The following RHBDF1 variants were observed in gnomAD, a reference collection of about 807,000 sequenced individuals.
The protein encoded by RHBDF1 is inactive rhomboid protein 1.
Under a neutral mutation model 98.6 loss-of-function variants are expected in RHBDF1, and 80 were observed. The observed-to-expected ratio is 0.81, with a 90% confidence interval of 0.68 to 0.98. The LOEUF is 0.98. Ranked by LOEUF, RHBDF1 falls within the 50% of genes least tolerant of loss-of-function variation. The pLI is 0.00. For synonymous variants in RHBDF1, 512 were observed against 486.8 expected (o/e 1.05, Z -0.68); for missense variants, 1,116 against 1,198.3 (o/e 0.93, Z 1.01).
At chr16:75,955 T>C (rs772329355), upstream of RHBDF1, among the ~76,000 whole-genome samples, 1 of 152,146 alleles carries the variant, frequency 6.6e-6, no homozygotes, top group African/African-American at 2.4e-5. Context: ...CCCTGGCCCC[T>C]GTAGCCAATA....
In RHBDF1 at chr16:58,153, T is replaced by TA; in HGVS notation, c.*186dup. On this transcript the variant is annotated 3_prime_UTR_variant, in exon 18 of 18. Coordinates refer to ENST00000262316, the MANE Select transcript of RHBDF1 (RefSeq NM_022450.5). ...GTTAGAAGGTTATGACAGGAAGTAG[T>TA]ATAATAAATGCCCGGCAGTACGAGG... 3.4e-6 allele frequency: 2 copies of TA among 587,488 alleles called. No individual in the cohort carries two copies. The highest frequency in any genetic ancestry group is 6.0e-6 in the Non-Finnish European group (2 of 336,088). The allele number at this position is 587,488 out of a possible 1,614,324, so 36.4% of individuals were successfully genotyped here.
Position 59,400 on chromosome 16 carries a change from G to T in RHBDF1, c.1893+19C>A. ...ACAGTAGCTGGGGGAGGGGAACGAC[G>T]GACACTCTGCAGACCTACCTGAGAG... On this transcript the variant is annotated intron_variant, in intron 15 of 17. Coordinates refer to ENST00000262316, the MANE Select transcript of RHBDF1 (RefSeq NM_022450.5). The T allele has an allele frequency of 6.2e-7, 1 of 1,613,042 alleles. No individual in the cohort carries two copies. Among genetic ancestry groups the T allele is most frequent in the African/African-American group, 1.3e-5 (1 of 75,022 alleles).
upstream of RHBDF1, chr16:74,050 G>T (rs1183313990): frequency 1.7e-6 from 1 of 592,326 alleles, no homozygotes; most frequent in Non-Finnish European, 2.1e-6. Context: ...TGTAGAAGGA[G>T]ACAATGGAAG....
Position 65,007 on chromosome 16 carries a change from C to T in RHBDF1, c.9G>A (p.Glu3=). 1 of 1,523,112 alleles carries T rather than the reference C, an allele frequency of 6.6e-7. No individual in the cohort carries two copies. Among genetic ancestry groups the T allele is most frequent in the African/African-American group, 1.4e-5 (1 of 72,514 alleles). 94.3% of individuals were successfully genotyped at this position (1,523,112 alleles called of 1,614,324 possible). A position where few individuals can be genotyped will look rare whatever the true frequency, so the allele number is the denominator to read the frequency against. Residue 3 remains glutamate, a synonymous_variant, in exon 2 of 18, where the codon GAG becomes GAA. Coordinates refer to ENST00000262316, the MANE Select transcript of RHBDF1 (RefSeq NM_022450.5). MS[E]ARRDSTSSLQ... is the part of the protein sequence containing the mutation. ...GGCTGCTCGTGCTGTCCCTGCGGGC[C>T]TCACTCATGGTTCCTGGCAGAGCAA...
At chr16:58,841 TC>T (rs1444528239) in intron 17 of RHBDF1, 82 bp from the exon 18 acceptor site, 2 of 1,558,100 alleles carry the variant, frequency 1.3e-6, no homozygotes, top group Non-Finnish European at 8.7e-7. Context: ...CTGCCCCACT[TC>T]CCATGGCCCA....
At chr16:68,240 T>G (rs921977825) in intron 1 of RHBDF1, among the ~76,000 whole-genome samples, 1 of 152,134 alleles carries the variant, frequency 6.6e-6, no homozygotes, top group Admixed American at 6.5e-5. Context: ...GTCCTGCGGG[T>G]GGGCAGTGCT....
Position 62,529 on chromosome 16 carries a change from C to G in RHBDF1, c.953+9G>C. Reference sequence around the variant, plus strand: ...CTCTCTGCCCCTCTTCCCTGCCTGCCGCACTCACAGCATCAGGTGGCTGCG... The same window carrying G: ...CTCTCTGCCCCTCTTCCCTGCCTGCGGCACTCACAGCATCAGGTGGCTGCG... On this transcript the variant is annotated intron_variant, in intron 7 of 17. Transcript: ENST00000262316. 1.9e-6 allele frequency: 3 copies of G among 1,611,192 alleles called. No individual in the cohort carries two copies. The highest frequency in any genetic ancestry group is 2.5e-6 in the Non-Finnish European group (3 of 1,179,790).
rs367730405 is a variant in RHBDF1, at chr16:65,056, G to A, written c.-24-17C>T. ...AAGGCAGGCCTGCGGGGCATGGTGT[G>A]TTATTCAATAATGACAAAGCTGACA... On this transcript the variant is annotated splice_polypyrimidine_tract_variant and intron_variant, in intron 1 of 17. Transcript: ENST00000262316. The A allele has an allele frequency of 9.4e-6, 14 of 1,490,942 alleles. No homozygotes were observed. Among genetic ancestry groups the A allele is most frequent in the Non-Finnish European group, 1.2e-5 (14 of 1,124,556 alleles). 92.4% of individuals were successfully genotyped at this position (1,490,942 alleles called of 1,614,324 possible).
At chr16:64,663 C>T in intron 3 of RHBDF1, 36 bp downstream of exon 3, 1 of 1,583,748 alleles carries the variant, frequency 6.3e-7, no homozygotes, top group Non-Finnish European at 8.6e-7. Context: ...CAGCCCCCAG[C>T]TCCCACCCCA....
chr16:69,039 A>G (rs1451187857), intron 1 of RHBDF1, among the ~76,000 whole-genome samples: 1 of 152,150 alleles, frequency 6.6e-6, no homozygotes, highest in Non-Finnish European at 1.5e-5. Flanking sequence ...GGCTGACTCC[A>G]TCACAGGGTG....
rs201577712 is a variant in RHBDF1 at position 62,498 on chromosome 16, G to A, written c.953+40C>T. On this transcript the variant is annotated intron_variant, in intron 7 of 17. Transcript: ENST00000262316. ...GCCCAGCTGTTCCTGACGGGCCCCG[G>A]GGTCTCTCTCTGCCCCTCTTCCCTG... 4.2e-3 allele frequency: 6,686 copies of A among 1,603,160 alleles called. 333 individuals are homozygous for A. The South Asian group carries it at 0.07, about 17-fold the overall frequency.
rs76639828 is a variant in RHBDF1, at chr16:69,257, G to C, written c.-25+3256C>G. ...AGCCAGTGGAGAGCTGCATCCTCAG[G>C]TGTGAGCAGCAACCACCTCTGTACT... On this transcript the variant is annotated intron_variant, in intron 1 of 17. Coordinates refer to ENST00000262316, the MANE Select transcript of RHBDF1 (RefSeq NM_022450.5). 4.6e-3 allele frequency among the ~76,000 whole-genome samples: 693 copies of C among 152,284 alleles called. 7 individuals carry two copies. The highest frequency in any genetic ancestry group is 0.016 in the African/African-American group (648 of 41,530).
rs1297314443 is a variant in RHBDF1, at chr16:72,497, G to A, written c.-25+16C>T. On this transcript the variant is annotated intron_variant, in intron 1 of 17. Transcript: ENST00000262316. ...CCCGCCCCCGGAGCCCTGCGCTCCC[G>A]GCCGCGCTCACTCACTGCCGCCGCC... The A allele has an allele frequency of 5.1e-6, 5 of 978,816 alleles. No homozygotes were observed. In the African/African-American group the frequency reaches 8.8e-5, roughly 17 times the overall value. 60.6% of individuals were successfully genotyped at this position (978,816 alleles called of 1,614,324 possible).
chr16:59,599 G>T (rs1246863526), intron 14 of RHBDF1, 105 bp from the exon 15 acceptor site: 4 of 1,475,858 alleles, frequency 2.7e-6, no homozygotes, highest in Non-Finnish European at 3.7e-6. Flanking sequence ...TGGCCCCAAG[G>T]AAGTCCAGAC....
intron 1 of RHBDF1, among the ~76,000 whole-genome samples, chr16:66,725 G>A (rs886585255): frequency 6.6e-6 from 1 of 152,232 alleles, no homozygotes; most frequent in Non-Finnish European, 1.5e-5. Context: ...ATGGTGCCCA[G>A]GGATCATTCC....
chr16:68,497 C>A (rs545234149), intron 1 of RHBDF1, among the ~76,000 whole-genome samples: 3 of 152,202 alleles, frequency 2.0e-5, no homozygotes, highest in Non-Finnish European at 4.4e-5. Flanking sequence ...GTGTCTCCCC[C>A]ACCCCGCTGA....
Position 59,056 on chromosome 16 carries a change from C to T in RHBDF1, c.2066G>A (p.Trp689Ter). The change falls in exon 17 of 18, where the codon TGG (tryptophan) becomes TAG (stop). Residue 689 changes from tryptophan (W) to a stop codon, truncating the protein, a stop_gained. Coordinates refer to ENST00000262316, the MANE Select transcript of RHBDF1 (RefSeq NM_022450.5). LOFTEE classifies it high-confidence loss of function. ...CAGGTAGATGATGGCTATGCGGTGC[C>T]AGCCTGCCAGCTTCTCCAGGTCCCG... ...VLRDLEKLAG[W>*]HRIAIIYLLS... 1 of 1,613,472 alleles carries T rather than the reference C, an allele frequency of 6.2e-7. No individual in the cohort carries two copies. The highest frequency in any genetic ancestry group is 8.5e-7 in the Non-Finnish European group (1 of 1,180,004).
Position 61,452 on chromosome 16 carries a change from C to A in RHBDF1, c.1328G>T (p.Arg443Leu). Reference protein sequence around the residue: ...SQHETVDSVLRNRGVYENVKY... With the variant: ...SQHETVDSVLLNRGVYENVKY... ...GACGTTCTCGTAGACCCCGCGGTTCCGCAGCACCTGGGAGGTTGGGGAGCG... is the reference window on the plus strand; with the variant it reads ...GACGTTCTCGTAGACCCCGCGGTTCAGCAGCACCTGGGAGGTTGGGGAGCG... Residue 443 changes from arginine (R) to leucine (L), a missense_variant, in exon 10 of 18, where the codon CGG becomes CTG. Physicochemically the swap from Arg to Leu is moderately radical, Grantham distance 102 (BLOSUM62 -2). Transcript: ENST00000262316. 6.2e-7 allele frequency: 1 copy of A among 1,612,490 alleles called. No homozygotes were observed. The highest frequency in any genetic ancestry group is 8.5e-7 in the Non-Finnish European group (1 of 1,179,814).
chr16:62,924 C>A lies in RHBDF1; in HGVS notation c.673-27G>T, dbSNP rs969999817. The A allele has an allele frequency of 4.3e-6, 7 of 1,613,162 alleles. No homozygotes were observed. The Admixed American group carries it at 1.0e-4, about 23-fold the overall frequency. On this transcript the variant is annotated intron_variant, in intron 5 of 17. Transcript: ENST00000262316. ...TGGGGACGGGGAAGTGAGCATGAGA[C>A]CCGGCTGCTGGGTCGGCCCCCAACC...
Sources: allele counts gnomAD v4.1 joint callset (sites outside exome capture counted in the v4.1 genomes callset), GRCh38; gene constraint gnomAD v4.1.1; transcripts MANE v1.5; gene names NCBI Gene and HGNC (gene_info 2026-07-23, HGNC 2026-07-21).